The following NRG1 variants were observed in gnomAD, a reference collection of about 807,000 sequenced individuals.
NRG1 encodes pro-neuregulin-1, membrane-bound isoform.
In NRG1, 18 loss-of-function variants were observed where a neutral mutation model predicts 63.8. The ratio of observed to expected loss-of-function variants is 0.28; its 90% CI spans 0.19 to 0.42. NRG1 has a LOEUF of 0.42. Among genes scored for constraint, NRG1 ranks in the 10% least tolerant of loss-of-function variants. NRG1 has a pLI of 1.00. For synonymous variants in NRG1, 302 were observed against 301.3 expected (o/e 1.00, Z -0.02); for missense variants, 762 against 814.7 (o/e 0.94, Z 0.79).
In NRG1 at chr8:32,460,719, C is replaced by G. The variant is rs16879434; in HGVS notation, c.38-135109C>G. On this transcript the variant is annotated intron_variant, in intron 1 of 10. Coordinates refer to the NRG1 transcript ENST00000519301. Reference sequence around the variant, plus strand: ...CACTGGTTCTGCTTTCAAACAACTTCCAAGAGCACAATACAGCAAAAAGTG... The same window carrying G: ...CACTGGTTCTGCTTTCAAACAACTTGCAAGAGCACAATACAGCAAAAAGTG... Among the ~76,000 whole-genome samples, 1,409 of 152,294 alleles carry G rather than the reference C, an allele frequency of 9.3e-3. 21 individuals carry two copies. Among genetic ancestry groups the G allele is most frequent in the African/African-American group, 0.033 (1,369 of 41,566 alleles).
chr8:32,540,739 A>C (rs1204136060), intron 1 of NRG1, among the ~76,000 whole-genome samples: 2 of 152,166 alleles, frequency 1.3e-5, no homozygotes, highest in Non-Finnish European at 2.9e-5. Context: ...AGAATCCTAC[A>C]TGCTGAATAA....
At chr8:32,434,413 A>G (rs766703260) in intron 1 of NRG1, among the ~76,000 whole-genome samples, 14 of 152,112 alleles carry the variant, frequency 9.2e-5, no homozygotes, top group Non-Finnish European at 1.9e-4. Flanking sequence ...TTATAAATTT[A>G]AAACATTAGG....
intron 1 of NRG1, among the ~76,000 whole-genome samples, chr8:31,967,527 C>A (rs1227107396): frequency 6.6e-6 from 1 of 152,076 alleles, no homozygotes; most frequent in Non-Finnish European, 1.5e-5. Flanking sequence ...AACCTGGCAA[C>A]AAGGAAAGAG....
intron 1 of NRG1, among the ~76,000 whole-genome samples, chr8:32,524,925 A>G (rs1254186339): frequency 6.6e-6 from 1 of 152,180 alleles, no homozygotes; most frequent in Non-Finnish European, 1.5e-5. Context: ...AAATTTATCA[A>G]CGAAATCACT....
At chr8:31,658,987 G>T (rs1218598316) in intron 1 of NRG1, among the ~76,000 whole-genome samples, 1 of 152,186 alleles carries the variant, frequency 6.6e-6, no homozygotes, top group East Asian at 1.9e-4. Context: ...TGGTTTGTCG[G>T]TCTGCAGTGT....
chr8:32,508,010 T>C (rs1233970959), intron 1 of NRG1, among the ~76,000 whole-genome samples: 1 of 152,148 alleles, frequency 6.6e-6, no homozygotes, highest in Non-Finnish European at 1.5e-5. Flanking sequence ...CAAAAATGTA[T>C]TTATGGGGAT....
intron 1 of NRG1, among the ~76,000 whole-genome samples, chr8:32,581,522 A>G (rs1403985696): frequency 6.6e-6 from 1 of 152,226 alleles, no homozygotes; most frequent in Non-Finnish European, 1.5e-5. Flanking sequence ...AGTTATTAGG[A>G]TAAAAGATGC....
intron 1 of NRG1, among the ~76,000 whole-genome samples, chr8:32,320,439 C>T (rs560892535): frequency 3.4e-4 from 52 of 152,164 alleles, no homozygotes; most frequent in South Asian, 2.3e-3. Context: ...TTAATTGGCT[C>T]GTGGTTCTAC....
At chr8:32,180,916 ACT>A (rs1211627812) in intron 1 of NRG1, among the ~76,000 whole-genome samples, 8 of 151,068 alleles carry the variant, frequency 5.3e-5, no homozygotes, top group South Asian at 4.2e-4. Context: ...TCCTTCCACC[ACT>A]CTCTGTCCTG....
At chr8:32,739,172 A>T (rs1344561886) in intron 6 of NRG1, among the ~76,000 whole-genome samples, 1 of 152,184 alleles carries the variant, frequency 6.6e-6, no homozygotes, top group African/African-American at 2.4e-5. Context: ...AAGATACCAC[A>T]GTGCCGAGAG....
chr8:32,653,123 G>GT (rs150693577), intron 5 of NRG1, among the ~76,000 whole-genome samples: 94,687 of 148,228 alleles, frequency 0.64, 32,598 homozygotes, highest in Non-Finnish European at 0.77. Context: ...TTCCTCTTTG[G>GT]TTTTTTTTTG....
chr8:32,392,161 T>C (rs1331074566), intron 1 of NRG1, among the ~76,000 whole-genome samples: 1 of 152,180 alleles, frequency 6.6e-6, no homozygotes, highest in African/African-American at 2.4e-5. Context: ...GAGAGCAGCC[T>C]GCACTATGAT....
intron 1 of NRG1, among the ~76,000 whole-genome samples, chr8:31,942,596 C>T (rs1010421802): frequency 2.0e-5 from 3 of 152,026 alleles, no homozygotes; most frequent in African/African-American, 4.8e-5. Context: ...GCAGAGTTAA[C>T]AGACAATCCA....
chr8:31,818,318 C>T (rs915180745), intron 1 of NRG1, among the ~76,000 whole-genome samples: 1 of 152,062 alleles, frequency 6.6e-6, no homozygotes, highest in East Asian at 1.9e-4. Context: ...TGTTTTAAGC[C>T]TTCTCCCATC....
chr8:32,174,586 G>A (rs1352611501), intron 1 of NRG1, among the ~76,000 whole-genome samples: 6 of 151,964 alleles, frequency 3.9e-5, no homozygotes. Flanking sequence ...TAGACCACTA[G>A]CAAGACTAAT....
intron 1 of NRG1, among the ~76,000 whole-genome samples, chr8:32,055,569 A>G (rs938901055): frequency 2.0e-5 from 3 of 152,184 alleles, no homozygotes; most frequent in Admixed American, 2.0e-4. Context: ...AAGTTACTAT[A>G]ATGACATTTG....
Position 31,736,397 on chromosome 8 carries a change from C to T in NRG1, c.37+96966C>T, listed in dbSNP as rs77188372. Among the ~76,000 whole-genome samples, 496 of 152,238 alleles carry T rather than the reference C, an allele frequency of 3.3e-3. 5 individuals are homozygous for T. The highest frequency in any genetic ancestry group is 0.01 in the African/African-American group (432 of 41,566). On this transcript the variant is annotated intron_variant, in intron 1 of 10. Coordinates refer to the NRG1 transcript ENST00000519301. The stretch of plus-strand genomic sequence containing the variant: ...CACCTGGCAGTCTGGACATTCTTAC[C>T]TTGGCTTATCCTCTATTATCCTAGA...
intron 1 of NRG1, among the ~76,000 whole-genome samples, chr8:32,093,132 A>G (rs1283353650): frequency 1.3e-5 from 2 of 152,188 alleles, no homozygotes; most frequent in East Asian, 3.9e-4. Context: ...GTTTTGTACT[A>G]AGAAAAATTC....
intron 7 of NRG1, among the ~76,000 whole-genome samples, chr8:32,754,043 A>C (rs973091534): frequency 1.3e-5 from 2 of 152,148 alleles, no homozygotes; most frequent in Non-Finnish European, 2.9e-5. Flanking sequence ...AAAACTACAG[A>C]GTTTTAACCA....
Sources: gnomAD v4.1 joint callset for allele counts (sites outside exome capture counted in the v4.1 genomes callset) on GRCh38, gnomAD v4.1.1 for gene constraint, MANE v1.5 for transcripts, NCBI Gene and HGNC (gene_info 2026-07-23, HGNC 2026-07-21) for gene names.